Variants in CREB5 observed in about 807,000 individuals in gnomAD.
CREB5 encodes cyclic AMP-responsive element-binding protein 5.
In CREB5, 19 loss-of-function variants were observed where a neutral mutation model predicts 57.1. The ratio of observed to expected loss-of-function variants is 0.33; its 90% CI spans 0.23 to 0.49. CREB5 has a LOEUF of 0.49. Among genes scored for constraint, CREB5 ranks in the 20% least tolerant of loss-of-function variants. The pLI, the probability that CREB5 is intolerant of heterozygous loss-of-function variation, is 0.99. For missense variants in CREB5, 579 were observed against 671.6 expected (o/e 0.86, Z 1.52); for synonymous variants, 238 against 238.3 (o/e 1.00, Z 0.01).
At chr7:28,582,782 A>C (rs1406523635) in intron 5 of CREB5, among the ~76,000 whole-genome samples, 1 of 152,208 alleles carries the variant, frequency 6.6e-6, no homozygotes, top group Non-Finnish European at 1.5e-5. Context: ...ATTCCATCAG[A>C]GCCTTGAGGA....
intron 3 of CREB5, among the ~76,000 whole-genome samples, chr7:28,495,827 AT>A: frequency 6.6e-6 from 1 of 152,260 alleles, no homozygotes; most frequent in East Asian, 1.9e-4. Context: ...TTAGGAAACA[AT>A]ATCTGCCTCA....
chr7:28,592,235 C>A (rs900435016), intron 5 of CREB5, among the ~76,000 whole-genome samples: 4 of 152,110 alleles, frequency 2.6e-5, no homozygotes, highest in East Asian at 1.9e-4. Context: ...ACATTTGAAA[C>A]GCTTTTAACA....
At chr7:28,632,571 A>G (rs1034286184) in intron 5 of CREB5, among the ~76,000 whole-genome samples, 8 of 152,310 alleles carry the variant, frequency 5.3e-5, no homozygotes, top group Middle Eastern at 3.4e-3. Context: ...AGAAATATCT[A>G]TGGAATGTAA....
chr7:28,496,143 G>T (rs770581060), intron 3 of CREB5, among the ~76,000 whole-genome samples: 1 of 152,194 alleles, frequency 6.6e-6, no homozygotes, highest in Non-Finnish European at 1.5e-5. Flanking sequence ...TGGAGATTCA[G>T]TGAAAGAATG....
chr7:28,560,931 TGTGTGCGTGC>T (rs1795192510), intron 4 of CREB5, among the ~76,000 whole-genome samples: 1 of 48,530 alleles, frequency 2.1e-5, no homozygotes, highest in African/African-American at 1.2e-4. Context: ...TGCGCGTGCG[TGTGTGCGTGC>T]GTGTGTGTGC....
At position 28,732,857 on chromosome 7, in the gene CREB5, C is replaced by T. The variant is rs200866218; in HGVS notation, c.702+8525C>T. Among the ~76,000 whole-genome samples, 490 of 88,970 alleles carry T rather than the reference C, an allele frequency of 5.5e-3. 1 individual carries two copies. Among genetic ancestry groups the T allele is most frequent in the Middle Eastern group, 0.018 (3 of 164 alleles). 58.4% of individuals were successfully genotyped at this position (88,970 alleles called of 152,430 possible). On this transcript the variant is annotated intron_variant, in intron 7 of 10. Coordinates refer to ENST00000357727, the MANE Select transcript of CREB5 (RefSeq NM_182898.4). ...GGTTTAGGGTTGTTTTTTTTTTTTT[C>T]TTAAAACCCAAGAATCCAATCTTGA...
chr7:28,315,770 C>T (rs1785367161), intron 1 of CREB5, among the ~76,000 whole-genome samples: 1 of 152,218 alleles, frequency 6.6e-6, no homozygotes, highest in Non-Finnish European at 1.5e-5. Context: ...CCTCCCTGGG[C>T]TCTGCACATC....
chr7:28,381,995 G>C (rs376286352), intron 1 of CREB5, among the ~76,000 whole-genome samples: 3 of 152,252 alleles, frequency 2.0e-5, no homozygotes, highest in African/African-American at 7.2e-5. Flanking sequence ...GAAACCTGCT[G>C]TATGGCTCAG....
rs1216269304 is a variant in CREB5, at chr7:28,804,208, G to T, written c.712G>T (p.Ala238Ser). Residue 238 changes from alanine (A) to serine (S), a missense_variant, in exon 8 of 11, where the codon GCT becomes TCT. By Grantham distance (99) the Ala-to-Ser change is moderately conservative. Transcript: ENST00000357727. ...TTTTGTTCTGTTTCAGAGGTTGAAG[G>T]CTGCATTGACTCACCACCCTGCTGC... ...MHSEAKMRLKAALTHHPAAMS... is the reference protein window; with the variant it reads ...MHSEAKMRLKSALTHHPAAMS... 6.2e-7 allele frequency: 1 copy of T among 1,612,488 alleles called. No individual in the cohort carries two copies. The highest frequency in any genetic ancestry group is 8.5e-7 in the Non-Finnish European group (1 of 1,178,676).
chr7:28,677,270 G>A (rs550587512), intron 5 of CREB5, among the ~76,000 whole-genome samples: 45 of 152,268 alleles, frequency 3.0e-4, no homozygotes, highest in African/African-American at 1.0e-3. Context: ...TGGATCACTA[G>A]CATCAAAATC....
intron 1 of CREB5, among the ~76,000 whole-genome samples, chr7:28,361,903 C>G (rs547178002): frequency 7.0e-4 from 106 of 152,340 alleles, no homozygotes; most frequent in Middle Eastern, 3.4e-3. Context: ...AATTTTCCCA[C>G]TAGCACTGCA....
intron 5 of CREB5, among the ~76,000 whole-genome samples, chr7:28,643,011 C>T (rs1210397199): frequency 3.6e-5 from 5 of 140,576 alleles, no homozygotes; most frequent in African/African-American, 1.0e-4. Context: ...CACACACACA[C>T]ACACACACAC....
upstream of CREB5, chr7:28,409,686 A>G: frequency 3.3e-6 from 1 of 303,566 alleles, no homozygotes; most frequent in South Asian, 2.5e-5. The surrounding 1 kb of genome is among the most constrained non-coding windows in gnomAD (Gnocchi z 4.4). Context: ...GTGCTGGTAG[A>G]CTGTGGAATT....
chr7:28,489,065 A>G (rs1197736972), intron 2 of CREB5, among the ~76,000 whole-genome samples: 1 of 152,164 alleles, frequency 6.6e-6, no homozygotes, highest in Non-Finnish European at 1.5e-5. Flanking sequence ...GTGTCTCCAC[A>G]TTCTAGTCAT....
intron 5 of CREB5, among the ~76,000 whole-genome samples, chr7:28,581,975 C>T (rs969302746): frequency 2.0e-5 from 3 of 152,188 alleles, no homozygotes; most frequent in African/African-American, 7.2e-5. Flanking sequence ...TTTGCTATTA[C>T]CCTTTGCACA....
intron 5 of CREB5, among the ~76,000 whole-genome samples, chr7:28,619,867 C>T (rs1441294126): frequency 6.6e-6 from 1 of 152,068 alleles, no homozygotes; most frequent in East Asian, 1.9e-4. Context: ...AAGGTGAGAT[C>T]TTAGGTTAGT....
chr7:28,655,275 C>A (rs901597990), intron 5 of CREB5, among the ~76,000 whole-genome samples: 1 of 152,074 alleles, frequency 6.6e-6, no homozygotes, highest in Admixed American at 6.6e-5. Flanking sequence ...ACTCTTTAAA[C>A]GTTTTTGCCT....
chr7:28,532,745 G>A (rs1024844414), intron 4 of CREB5, among the ~76,000 whole-genome samples: 3 of 152,176 alleles, frequency 2.0e-5, no homozygotes, highest in Admixed American at 6.5e-5. Context: ...ATAACATAGT[G>A]GTAAGAGCAC....
chr7:28,602,470 G>A (rs1042781020), intron 5 of CREB5, among the ~76,000 whole-genome samples: 13 of 152,178 alleles, frequency 8.5e-5, no homozygotes, highest in African/African-American at 2.9e-4. Context: ...ACCAAAGTGT[G>A]GTACATTCAT....
Sources: allele counts gnomAD v4.1 joint callset (sites outside exome capture counted in the v4.1 genomes callset), GRCh38; gene constraint gnomAD v4.1.1; non-coding constraint Gnocchi (gnomAD v3.1); transcripts MANE v1.5; gene names NCBI Gene and HGNC (gene_info 2026-07-23, HGNC 2026-07-21).